The following CASK variants were observed in gnomAD, a reference collection of about 807,000 sequenced individuals.
CASK encodes the protein calcium/calmodulin dependent serine protein kinase.
Under a neutral mutation model 82.9 loss-of-function variants are expected in CASK, and 4 were observed. The observed-to-expected ratio is 0.05, with a 90% CI of 0.02 to 0.11. The LOEUF is 0.11. Among genes scored for constraint, CASK ranks in the 10% least tolerant of loss-of-function variants. CASK has a pLI of 1.00. For synonymous variants in CASK, 259 were observed against 253.5 expected (o/e 1.02, Z -0.20); for missense variants, 358 against 720.9 (o/e 0.50, Z 5.76).
chrX:41,648,216 G>C (rs2066796655), intron 8 of CASK, among the ~76,000 whole-genome samples: 1 of 111,137 alleles, frequency 9.0e-6, no homozygotes, highest in African/African-American at 3.3e-5. Flanking sequence ...GATTGCAGAG[G>C]TAAGATAGAC....
intron 5 of CASK, among the ~76,000 whole-genome samples, chrX:41,702,571 A>G (rs942928007): frequency 2.7e-5 from 3 of 110,955 alleles, no homozygotes; most frequent in Non-Finnish European, 5.7e-5. Context: ...CAAGGCGGGC[A>G]GATCACGAGG....
chrX:41,528,811 C>T (rs1291202025), intron 25 of CASK, among the ~76,000 whole-genome samples: 1 of 112,075 alleles, frequency 8.9e-6, no homozygotes, highest in Non-Finnish European at 1.9e-5. Context: ...TTCATGGTCA[C>T]GGGTATCCTG....
At chrX:41,739,152 T>C (rs190888058) in intron 5 of CASK, among the ~76,000 whole-genome samples, 37 of 112,094 alleles carry the variant, frequency 3.3e-4, no homozygotes, top group African/African-American at 1.1e-3. Context: ...AGAGAAATAA[T>C]ACAATTTTAG....
intron 10 of CASK, 59 bp downstream of exon 10, chrX:41,626,545 G>A: frequency 2.8e-6 from 2 of 708,264 alleles, no homozygotes; most frequent in East Asian, 3.2e-5. Flanking sequence ...CACAATGGGA[G>A]AGAATGGATG....
At chrX:41,921,033 T>C (rs1423714698) in intron 1 of CASK, among the ~76,000 whole-genome samples, 1 of 112,068 alleles carries the variant, frequency 8.9e-6, no homozygotes, top group Non-Finnish European at 1.9e-5. Flanking sequence ...TGCATTTTTC[T>C]CTCTAGAACT....
chrX:41,763,758 C>T (rs1448187046), intron 3 of CASK, among the ~76,000 whole-genome samples: 2 of 111,934 alleles, frequency 1.8e-5, no homozygotes, highest in Non-Finnish European at 3.8e-5. Context: ...AACTCCTGGT[C>T]ATCCTTCAAT....
chrX:41,524,844 C>T (rs1038304456), intron 25 of CASK: 1 of 111,221 alleles, frequency 9.0e-6, no homozygotes, highest in Non-Finnish European at 1.9e-5. Flanking sequence ...TTGGAGGTTA[C>T]AAACTCCCTT....
In CASK at chrX:41,678,991, G is replaced by A. The variant is rs181374394; in HGVS notation, c.430-7461C>T. Among the ~76,000 whole-genome samples, 13 of 110,015 alleles carry A rather than the reference G, an allele frequency of 1.2e-4. No individual in the cohort carries two copies. The East Asian group carries it at 3.1e-3, about 26-fold the overall frequency. ...CAGTAACTTGGGACCAGTAACTTGA[G>A]GTAGGAGGATCACTGGAGCCTGGGA... On this transcript the variant is annotated intron_variant, in intron 5 of 26. Coordinates refer to ENST00000378163, the MANE Select transcript of CASK (RefSeq NM_001367721.1).
intron 1 of CASK, among the ~76,000 whole-genome samples, chrX:41,864,809 T>C (rs2071559737): frequency 8.9e-6 from 1 of 112,055 alleles, no homozygotes; most frequent in Non-Finnish European, 1.9e-5. Flanking sequence ...CAGGCAATAA[T>C]GCAACCTCTG....
intron 1 of CASK, among the ~76,000 whole-genome samples, chrX:41,862,740 ATAAAG>A (rs2071517822): frequency 1.8e-5 from 2 of 110,673 alleles, no homozygotes; most frequent in African/African-American, 6.6e-5. Flanking sequence ...GCAAGAGGTG[ATAAAG>A]TAAAGGCGAC....
intron 2 of CASK, among the ~76,000 whole-genome samples, chrX:41,803,189 GA>G (rs2070038856): frequency 1.8e-5 from 2 of 111,468 alleles, no homozygotes; most frequent in South Asian, 7.6e-4. Context: ...CTGTCACCAA[GA>G]AAAACAATGA....
chrX:41,895,574 T>G (rs2072257150), intron 1 of CASK, among the ~76,000 whole-genome samples: 1 of 111,119 alleles, frequency 9.0e-6, no homozygotes, highest in Admixed American at 9.6e-5. Context: ...TTTATCTAAC[T>G]CCCTCTACAA....
intron 7 of CASK, among the ~76,000 whole-genome samples, chrX:41,661,537 C>A (rs887782786): frequency 9.0e-6 from 1 of 111,580 alleles, no homozygotes; most frequent in African/African-American, 3.3e-5. Flanking sequence ...GCAGTACTTG[C>A]ACTGCAGTAT....
intron 1 of CASK, among the ~76,000 whole-genome samples, chrX:41,856,425 A>G (rs2071371374): frequency 9.0e-6 from 1 of 111,335 alleles, no homozygotes; most frequent in Admixed American, 9.5e-5. Context: ...TCTATACTGT[A>G]GAATCCCCAA....
Position 41,566,438 on chromosome X carries a change from A to G in CASK, c.1582+3230T>C, listed in dbSNP as rs756339841. On this transcript the variant is annotated intron_variant, in intron 16 of 26. Transcript: ENST00000378163. ...AAATCACAAGCATTCCTATACACCA[A>G]TAACAGACAAATAGAGAGCCAAATC... 4.5e-5 allele frequency among the ~76,000 whole-genome samples: 5 copies of G among 110,976 alleles called. No homozygotes were observed. The South Asian group carries it at 1.9e-3, about 42-fold the overall frequency.
chrX:41,763,520 G>A (rs1235833800), intron 3 of CASK, among the ~76,000 whole-genome samples: 2 of 110,028 alleles, frequency 1.8e-5, no homozygotes, highest in African/African-American at 6.6e-5. Context: ...AAAATTATCC[G>A]CGTGTGGTAG....
At chrX:41,744,391 G>A (rs1342681673) in intron 4 of CASK, among the ~76,000 whole-genome samples, 2 of 107,523 alleles carry the variant, frequency 1.9e-5, no homozygotes, top group East Asian at 5.9e-4. Context: ...TGTCGCCCAG[G>A]CTGGAGTGCA....
intron 2 of CASK, among the ~76,000 whole-genome samples, chrX:41,804,609 C>T (rs984490528): frequency 2.7e-5 from 3 of 111,790 alleles, no homozygotes; most frequent in African/African-American, 9.8e-5. Context: ...CTCACTAAAA[C>T]TACTAAGGTG....
chrX:41,597,773 T>G (rs2065840449), intron 12 of CASK, among the ~76,000 whole-genome samples: 1 of 111,836 alleles, frequency 8.9e-6, no homozygotes, highest in African/African-American at 3.3e-5. Flanking sequence ...CTGGAACTGA[T>G]TTTCTGAAGT....
Sources: gnomAD v4.1 joint callset for allele counts (sites outside exome capture counted in the v4.1 genomes callset) on GRCh38, gnomAD v4.1.1 for gene constraint, MANE v1.5 for transcripts, NCBI Gene and HGNC (gene_info 2026-07-23, HGNC 2026-07-21) for gene names.